IQCF1: variants seen among roughly 807,000 people sequenced by gnomAD.
IQCF1 encodes IQ domain-containing protein F1.
In IQCF1, 9 loss-of-function variants were observed where a neutral mutation model predicts 12.5. That is an observed-to-expected ratio of 0.72 (90% CI 0.43 to 1.26). IQCF1 has a LOEUF of 1.26. IQCF1 is among the 50% of genes most tolerant of loss of function. The pLI, the probability that IQCF1 is intolerant of heterozygous loss-of-function variation, is 0.00. For missense variants in IQCF1, 252 were observed against 257.4 expected (o/e 0.98, Z 0.14); for synonymous variants, 67 against 96.2 (o/e 0.70, Z 1.78).
chr3:51,896,718 C>G, intron 3 of IQCF1, 114 bp downstream of exon 3: 4 of 808,202 alleles, frequency 4.9e-6, no homozygotes, highest in Non-Finnish European at 4.4e-6. Context: ...CACACGCACA[C>G]ACACACACAC....
intron 2 of IQCF1, among the ~76,000 whole-genome samples, chr3:51,897,598 G>A (rs1699024873): frequency 1.3e-5 from 2 of 152,212 alleles, no homozygotes; most frequent in Admixed American, 6.5e-5. Flanking sequence ...AACGCGGAAA[G>A]AAACTGGCCA....
chr3:51,896,641 C>T (rs1032843367), intron 3 of IQCF1, among the ~76,000 whole-genome samples, 191 bp downstream of exon 3: 2 of 152,186 alleles, frequency 1.3e-5, no homozygotes, highest in Non-Finnish European at 2.9e-5. Context: ...TTAACTTTCA[C>T]ATTTTAAATC....
chr3:51,898,112 G>GGGAA (rs1699033027), intron 2 of IQCF1, among the ~76,000 whole-genome samples: 1 of 152,184 alleles, frequency 6.6e-6, no homozygotes, highest in Non-Finnish European at 1.5e-5. Context: ...CTAGGGGAAG[G>GGGAA]GGAAGGAGAG....
rs149440590 is a variant in IQCF1, at chr3:51,900,336, C to G, written c.108+2649G>C. On this transcript the variant is annotated intron_variant, in intron 2 of 3. Coordinates refer to ENST00000310914, the MANE Select transcript of IQCF1 (RefSeq NM_152397.3). The surrounding 1 kb of genome is among the most constrained non-coding windows in gnomAD (Gnocchi z 4.2). ...AGGGGAAAACCCTATCAAACTAAAG[C>G]TAAGAAGAATTTAACTCTCTTTCAT... 0.029 allele frequency among the ~76,000 whole-genome samples: 4,461 copies of G among 152,334 alleles called. 233 individuals are homozygous for G. The highest frequency in any genetic ancestry group is 0.1 in the African/African-American group (4,239 of 41,578).
chr3:51,896,891 T>C lies in IQCF1; in HGVS notation c.112A>G (p.Lys38Glu), dbSNP rs1183746676. The C allele has an allele frequency of 6.2e-7, 1 of 1,612,700 alleles. No homozygotes were observed. Among genetic ancestry groups the C allele is most frequent in the Admixed American group, 1.7e-5 (1 of 60,024 alleles). ...SLGAESKAEA[K>E]TPVLVETQTV... Reference sequence around the variant, plus strand: ...TGTGTCTCAACCAGAACTGGAGTTTTAGCCTGAAAAGGAAATGGGGAAAGA... The same window carrying C: ...TGTGTCTCAACCAGAACTGGAGTTTCAGCCTGAAAAGGAAATGGGGAAAGA... The change falls in exon 3 of 4, where the codon AAA becomes GAA. Residue 38 changes from lysine to glutamate, a missense_variant. Transcript: ENST00000310914.
chr3:51,902,171 T>G (rs1401940588), intron 2 of IQCF1, among the ~76,000 whole-genome samples: 1 of 152,190 alleles, frequency 6.6e-6, no homozygotes, highest in Non-Finnish European at 1.5e-5. Flanking sequence ...TATTTATTCT[T>G]GTTGGGTGCT....
chr3:51,898,274 G>C (rs1433408258), intron 2 of IQCF1, among the ~76,000 whole-genome samples: 1 of 152,024 alleles, frequency 6.6e-6, no homozygotes, highest in Non-Finnish European at 1.5e-5. Context: ...GAGAGAGAGA[G>C]AGATGGAAGT....
Position 51,895,464 on chromosome 3 carries a change from A to C in IQCF1, c.172-128T>G. The C allele has an allele frequency of 1.2e-6, 1 of 807,502 alleles. No homozygotes were observed. The allele number at this position is 807,502 out of a possible 1,614,324, so 50.0% of individuals were successfully genotyped here. Reference sequence around the variant, plus strand: ...TTTCTGGAATTCAGGAGCACTGGGCAGGGCACTGGCTGGAACCAGAAGATC... The same window carrying C: ...TTTCTGGAATTCAGGAGCACTGGGCCGGGCACTGGCTGGAACCAGAAGATC... On this transcript the variant is annotated intron_variant, in intron 3 of 3. Transcript: ENST00000310914. This position sits in a 1 kb window ranked among gnomAD's most constrained non-coding sequence, Gnocchi z 4.8.
chr3:51,898,394 C>T (rs1006578531), intron 2 of IQCF1, among the ~76,000 whole-genome samples: 4 of 152,194 alleles, frequency 2.6e-5, no homozygotes, highest in African/African-American at 9.7e-5. Flanking sequence ...CCAATACCAC[C>T]TTGTTGTCAG....
At chr3:51,901,134 C>G (rs1328633737) in intron 2 of IQCF1, among the ~76,000 whole-genome samples, 1 of 152,246 alleles carries the variant, frequency 6.6e-6, no homozygotes, top group Non-Finnish European at 1.5e-5. Context: ...GCACATTAAA[C>G]AAAAGCAATT....
At position 51,894,903 on chromosome 3, in the gene IQCF1, G is replaced by A. The variant is rs1248122761; in HGVS notation, c.605C>T (p.Ser202Leu). 1.9e-6 allele frequency: 3 copies of A among 1,613,448 alleles called. No homozygotes were observed. The highest frequency in any genetic ancestry group is 3.3e-5 in the Admixed American group (2 of 60,016). The change falls in exon 4 of 4, where the codon TCA becomes TTA. Residue 202 changes from serine to leucine, a missense_variant. Coordinates refer to ENST00000310914, the MANE Select transcript of IQCF1 (RefSeq NM_152397.3). ...PCIVTECIPFSIKE is the reference protein window; with the variant it reads ...PCIVTECIPFLIKE ...GAAAAGACCACTTCATTCCTTTATT[G>A]AGAAGGGAATACACTCTGTCACAAT...
At chr3:51,903,200 G>A in intron 1 of IQCF1, 70 bp downstream of exon 1, 1 of 1,601,534 alleles carries the variant, frequency 6.2e-7, no homozygotes, top group Non-Finnish European at 8.6e-7. Flanking sequence ...TCAGTGTCAG[G>A]GGGTCCCTTC....
At position 51,900,628 on chromosome 3, in the gene IQCF1, C is replaced by T. The variant is rs1331401726; in HGVS notation, c.108+2357G>A. Among the ~76,000 whole-genome samples the T allele has an allele frequency of 2.6e-5, 4 of 152,134 alleles. No individual in the cohort carries two copies. The highest frequency in any genetic ancestry group is 7.2e-5 in the African/African-American group (3 of 41,412). On this transcript the variant is annotated intron_variant, in intron 2 of 3. Transcript: ENST00000310914. The surrounding 1 kb of genome is among the most constrained non-coding windows in gnomAD (Gnocchi z 4.2). ...CCAGTGTCAACCAGGAGTCTTGCCC[C>T]GCGATGTAGAGCTTTTATACCATAG... is the stretch of plus-strand genomic sequence containing the variant.
Position 51,899,347 on chromosome 3 carries a change from GA to G in IQCF1, c.109-2454del, listed in dbSNP as rs573407480. ...TTGAAGAATTATCTGTGAAAGTCAT[GA>G]AAAAAAAGTTTTAAAAGGGAATTTA... On this transcript the variant is annotated intron_variant, in intron 2 of 3. Transcript: ENST00000310914. 4.2e-3 allele frequency among the ~76,000 whole-genome samples: 635 copies of G among 152,036 alleles called. 3 individuals are homozygous for G. The highest frequency in any genetic ancestry group is 0.03 in the South Asian group (146 of 4,822).
intron 2 of IQCF1, among the ~76,000 whole-genome samples, chr3:51,902,429 A>T (rs894170626): frequency 2.0e-5 from 3 of 152,230 alleles, no homozygotes; most frequent in African/African-American, 7.2e-5. Context: ...AATATGTTCA[A>T]TTCTTTGCCT....
intron 1 of IQCF1, 72 bp from the exon 2 acceptor site, chr3:51,903,161 T>A: frequency 6.3e-7 from 1 of 1,587,994 alleles, no homozygotes; most frequent in African/African-American, 1.3e-5. Context: ...ATGGCACACA[T>A]CCCCAGCTTC....
chr3:51,898,615 CAA>C (rs60334046), intron 2 of IQCF1, among the ~76,000 whole-genome samples: 71 of 128,576 alleles, frequency 5.5e-4, no homozygotes, highest in African/African-American at 6.6e-4. Flanking sequence ...TATCCTAAGT[CAA>C]AAAAAAAAAA....
chr3:51,896,797 C>T (rs1480810775), intron 3 of IQCF1, 35 bp downstream of exon 3: 2 of 1,530,610 alleles, frequency 1.3e-6, no homozygotes, highest in Non-Finnish European at 1.8e-6. Context: ...CCCCACATCC[C>T]CAGCCCCAGC....
chr3:51,902,733 G>A (rs1699091541), intron 2 of IQCF1: 2 of 442,818 alleles, frequency 4.5e-6, no homozygotes, highest in South Asian at 2.1e-5. Context: ...AGCAGCAGGG[G>A]CCACGTGCAT....
Sources: gnomAD v4.1 joint callset for allele counts (sites outside exome capture counted in the v4.1 genomes callset) on GRCh38, gnomAD v4.1.1 for gene constraint, Gnocchi (gnomAD v3.1) non-coding constraint, MANE v1.5 for transcripts, NCBI Gene and HGNC (gene_info 2026-07-23, HGNC 2026-07-21) for gene names.